EDIL3: variants seen among roughly 807,000 people sequenced by gnomAD.
EDIL3 encodes the protein EGF like and discoidin domains 3, also known as EGF-like repeat and discoidin I-like domain-containing protein 3.
In EDIL3, 37 loss-of-function variants were observed where a neutral mutation model predicts 67.4. The observed-to-expected ratio is 0.55, with a 90% confidence interval of 0.42 to 0.72. EDIL3 has a LOEUF of 0.72. Ranked by LOEUF, EDIL3 falls within the 30% of genes least tolerant of loss-of-function variation. The pLI is 0.00. For missense variants in EDIL3, 527 were observed against 586.3 expected (o/e 0.90, Z 1.04); for synonymous variants, 195 against 196.3 (o/e 0.99, Z 0.05).
At chr5:84,383,122 G>A (rs982833116) in intron 1 of EDIL3, among the ~76,000 whole-genome samples, 1 of 152,232 alleles carries the variant, frequency 6.6e-6, no homozygotes, top group African/African-American at 2.4e-5. Context: ...TAGAGGCACA[G>A]CATTTAAAAC....
chr5:84,333,268 A>G (rs549999488), intron 1 of EDIL3, among the ~76,000 whole-genome samples: 2 of 152,176 alleles, frequency 1.3e-5, no homozygotes, highest in Non-Finnish European at 2.9e-5. Context: ...GTATTTGCAT[A>G]AGAACATTGA....
chr5:84,150,650 G>A (rs978050359), intron 4 of EDIL3, among the ~76,000 whole-genome samples: 1 of 152,130 alleles, frequency 6.6e-6, no homozygotes, highest in Non-Finnish European at 1.5e-5. Context: ...GGATGTGGAG[G>A]AATTGAACTC....
intron 1 of EDIL3, among the ~76,000 whole-genome samples, chr5:84,374,780 T>C (rs1020202635): frequency 3.3e-5 from 5 of 152,076 alleles, no homozygotes; most frequent in Non-Finnish European, 5.9e-5. Context: ...GGAGATTAGA[T>C]GGTTTTATAA....
intron 6 of EDIL3, among the ~76,000 whole-genome samples, chr5:84,099,681 T>C (rs1280605095): frequency 2.0e-5 from 3 of 152,104 alleles, no homozygotes; most frequent in Non-Finnish European, 4.4e-5. Flanking sequence ...AAAGACTTCA[T>C]GACTAAAACA....
chr5:84,136,450 C>T (rs1748093870), intron 5 of EDIL3, among the ~76,000 whole-genome samples: 1 of 152,136 alleles, frequency 6.6e-6, no homozygotes. Context: ...TGACTTTAGT[C>T]CTGTTACTAC....
chr5:83,954,190 A>AT (rs148147604), intron 10 of EDIL3, among the ~76,000 whole-genome samples: 38,736 of 150,774 alleles, frequency 0.26, 5,349 homozygotes, highest in South Asian at 0.38. Context: ...GTCCTTGAGC[A>AT]TTTTTTTTTA....
chr5:84,180,707 C>T lies in EDIL3; in HGVS notation c.227-186G>A, dbSNP rs1195722326. ...TTTGAATCTTGGTTTCACCACTTCA[C>T]AGGCGTGCAGTCTTGAGAGATTTAC... On this transcript the variant is annotated intron_variant, in intron 3 of 10. Coordinates refer to ENST00000296591, the MANE Select transcript of EDIL3 (RefSeq NM_005711.5). 2.6e-5 allele frequency among the ~76,000 whole-genome samples: 4 copies of T among 152,210 alleles called. No homozygotes were observed. In the East Asian group the frequency reaches 5.8e-4, roughly 22 times the overall value.
At chr5:84,285,273 A>G (rs1745787903) in intron 1 of EDIL3, among the ~76,000 whole-genome samples, 2 of 152,222 alleles carry the variant, frequency 1.3e-5, no homozygotes, top group Non-Finnish European at 1.5e-5. Flanking sequence ...GTACATTTAA[A>G]TTTTCTAATT....
At chr5:84,123,998 T>G (rs1475683835) in intron 5 of EDIL3, among the ~76,000 whole-genome samples, 1 of 151,946 alleles carries the variant, frequency 6.6e-6, no homozygotes, top group Admixed American at 6.6e-5. Flanking sequence ...TTTATCTGCT[T>G]CCCAATTTTA....
chr5:84,235,858 C>A (rs1481458007), intron 2 of EDIL3, among the ~76,000 whole-genome samples: 1 of 151,662 alleles, frequency 6.6e-6, no homozygotes, highest in African/African-American at 2.4e-5. Context: ...AGGAAGGAAA[C>A]AATATAATTA....
At position 84,060,398 on chromosome 5, in the gene EDIL3, C is replaced by T. The variant is rs1306041908; in HGVS notation, c.1039G>A (p.Asp347Asn). 9 of 1,613,752 alleles carry T rather than the reference C, an allele frequency of 5.6e-6. No individual in the cohort carries two copies. Among genetic ancestry groups the T allele is most frequent in the South Asian group, 4.4e-5 (4 of 91,064 alleles). Residue 347 changes from aspartate (D) to asparagine (N), a missense_variant, in exon 9 of 11, where the codon GAC (aspartate) becomes AAC (asparagine). Physicochemically the swap from Asp to Asn is conservative, Grantham distance 23. This residue lies in a region of EDIL3 where 494 missense variants were observed against 522.5 expected (regional missense o/e 0.95). Transcript: ENST00000296591. ...TTCCTTGGTTCCCAAGTGAACATGT[C>T]CATGTTGAGCGTTCTGAAGATGCTG... ...ASSIFRTLNM[D>N]MFTWEPRKAR...
chr5:84,301,976 T>C (rs1746172793), intron 1 of EDIL3, among the ~76,000 whole-genome samples: 2 of 152,216 alleles, frequency 1.3e-5, no homozygotes, highest in South Asian at 2.1e-4. Flanking sequence ...TATCTTGTGC[T>C]GACTTTAAAT....
chr5:83,947,492 G>A (rs1172125085), intron 10 of EDIL3, among the ~76,000 whole-genome samples: 1 of 151,564 alleles, frequency 6.6e-6, no homozygotes, highest in African/African-American at 2.4e-5. Context: ...CACTAATGGA[G>A]AAGTTAAATA....
At chr5:83,982,177 T>G (rs1304740967) in intron 9 of EDIL3, among the ~76,000 whole-genome samples, 2 of 152,164 alleles carry the variant, frequency 1.3e-5, no homozygotes, top group African/African-American at 2.4e-5. Context: ...TAAAAAATAT[T>G]TATTGGCTTC....
intron 10 of EDIL3, among the ~76,000 whole-genome samples, chr5:83,949,806 C>T (rs762592856): frequency 2.6e-5 from 4 of 151,714 alleles, no homozygotes; most frequent in Non-Finnish European, 5.9e-5. Flanking sequence ...TGTTTTTCAC[C>T]CTCAGCAACT....
chr5:84,124,628 G>T (rs1033982304), intron 5 of EDIL3, among the ~76,000 whole-genome samples: 7 of 151,818 alleles, frequency 4.6e-5, no homozygotes, highest in Non-Finnish European at 5.9e-5. Context: ...AACTTCATTG[G>T]ACAGAATTTT....
At chr5:84,088,686 T>C (rs1204669622) in intron 6 of EDIL3, among the ~76,000 whole-genome samples, 2 of 152,226 alleles carry the variant, frequency 1.3e-5, no homozygotes, top group East Asian at 1.9e-4. Context: ...ATTAAGTATA[T>C]AATAGAAGCA....
intron 8 of EDIL3, among the ~76,000 whole-genome samples, chr5:84,063,864 C>T (rs1746585328): frequency 1.3e-5 from 2 of 152,126 alleles, no homozygotes; most frequent in South Asian, 4.1e-4. Context: ...AAAATAATTT[C>T]AGGCCACTGC....
At chr5:84,204,509 T>A (rs1743916507) in intron 3 of EDIL3, among the ~76,000 whole-genome samples, 1 of 152,124 alleles carries the variant, frequency 6.6e-6, no homozygotes, top group South Asian at 2.1e-4. Context: ...AAAAATTTAT[T>A]TCATTTTTTA....
Sources: gnomAD v4.1 joint callset for allele counts (sites outside exome capture counted in the v4.1 genomes callset) on GRCh38, gnomAD v4.1.1 for gene constraint, gnomAD v4.1.1 regional missense constraint, MANE v1.5 for transcripts, NCBI Gene and HGNC (gene_info 2026-07-23, HGNC 2026-07-21) for gene names.